Variants in TRDN observed in about 807,000 individuals in gnomAD.
TRDN encodes the protein triadin in skeletal muscle.
A neutral mutation model predicts 149.7 loss-of-function variants in TRDN; 161 were observed. The observed-to-expected ratio is 1.08, with a 90% CI of 0.95 to 1.23. TRDN has a LOEUF of 1.23. TRDN is among the 50% of genes most tolerant of loss of function. The probability of loss-of-function intolerance (pLI) is 0.00; values close to 1 mark genes in which losing one functional copy is unlikely to be tolerated. For missense variants in TRDN, 896 were observed against 823.5 expected, an observed-to-expected ratio of 1.09 and a Z score of -1.08; for synonymous variants, 294 against 250.5, an observed-to-expected ratio of 1.17 and a Z score of -1.64.
intron 12 of TRDN, 27 bp from the exon 13 acceptor site, chr6:123,393,704 C>T (rs1384579842): frequency 1.3e-6 from 2 of 1,584,708 alleles, no homozygotes; most frequent in Admixed American, 3.5e-5. Context: ...CATAAATTAC[C>T]ATGAAGTATG....
chr6:123,535,163 A>G (rs1412613054), intron 4 of TRDN, among the ~76,000 whole-genome samples: 1 of 152,138 alleles, frequency 6.6e-6, no homozygotes, highest in Non-Finnish European at 1.5e-5. Context: ...GAAGAAGGGA[A>G]AAAGACACGG....
At chr6:123,525,646 T>C (rs1418866646) in intron 5 of TRDN, among the ~76,000 whole-genome samples, 1 of 152,022 alleles carries the variant, frequency 6.6e-6, no homozygotes, top group Non-Finnish European at 1.5e-5. Flanking sequence ...CCCATCATTA[T>C]GAAACATACC....
chr6:123,393,528 G>T, intron 13 of TRDN, 96 bp downstream of exon 13: 1 of 1,029,868 alleles, frequency 9.7e-7, no homozygotes, highest in Non-Finnish European at 1.4e-6. Context: ...CCCAGCAGAT[G>T]GTGCTATTCT....
intron 1 of TRDN, among the ~76,000 whole-genome samples, chr6:123,574,697 T>C (rs1782743145): frequency 6.6e-6 from 1 of 151,684 alleles, no homozygotes; most frequent in African/African-American, 2.4e-5. Flanking sequence ...CTGTATTGAG[T>C]TGTATATTAG....
At chr6:123,220,324 T>C (rs2114495963) in intron 40 of TRDN, among the ~76,000 whole-genome samples, 1 of 151,998 alleles carries the variant, frequency 6.6e-6, no homozygotes, top group South Asian at 2.1e-4. Context: ...ATTGATACAA[T>C]TCACCTGTCT....
chr6:123,590,057 T>A (rs897764934), intron 1 of TRDN, among the ~76,000 whole-genome samples: 2 of 152,178 alleles, frequency 1.3e-5, no homozygotes, highest in African/African-American at 4.8e-5. Context: ...CAATTTTTAA[T>A]ATGTATGTGT....
intron 10 of TRDN, among the ~76,000 whole-genome samples, chr6:123,460,043 T>C (rs1776361216): frequency 6.6e-6 from 1 of 152,214 alleles, no homozygotes; most frequent in Non-Finnish European, 1.5e-5. Flanking sequence ...TACTCCCAAC[T>C]CTTAAGCTCA....
intron 38 of TRDN, among the ~76,000 whole-genome samples, chr6:123,248,556 C>A (rs907934566): frequency 6.6e-6 from 1 of 150,810 alleles, no homozygotes; most frequent in Non-Finnish European, 1.5e-5. Flanking sequence ...GACTCCATCT[C>A]AAAAAAAATA....
intron 21 of TRDN, among the ~76,000 whole-genome samples, chr6:123,345,450 T>C (rs1408795352): frequency 1.3e-5 from 2 of 152,052 alleles, no homozygotes; most frequent in African/African-American, 2.4e-5. Context: ...CATACTGTCC[T>C]GATTACTGTA....
At chr6:123,487,221 C>T (rs887672856) in intron 9 of TRDN, among the ~76,000 whole-genome samples, 1 of 151,988 alleles carries the variant, frequency 6.6e-6, no homozygotes, top group African/African-American at 2.4e-5. Context: ...ATAAACAGGT[C>T]AAGTTCTAGC....
intron 23 of TRDN, among the ~76,000 whole-genome samples, chr6:123,327,292 T>C (rs1441928197): frequency 6.6e-6 from 1 of 152,100 alleles, no homozygotes. Flanking sequence ...AAAAAATAAC[T>C]ATATTTGGTC....
intron 24 of TRDN, among the ~76,000 whole-genome samples, chr6:123,294,425 G>A (rs1271466359): frequency 1.3e-5 from 2 of 152,070 alleles, no homozygotes; most frequent in Admixed American, 1.3e-4. Flanking sequence ...CAACCTTTTT[G>A]ACACCAGGGA....
rs539133493 is a variant in TRDN, at chr6:123,254,015, T to C, written c.1951+1066A>G. ...TCTTGTCTGTACCATATAAATACTC[T>C]TGAGATGTTAGATTTTCTCTTATTG... On this transcript the variant is annotated intron_variant, in intron 37 of 40. Coordinates refer to ENST00000334268, the MANE Select transcript of TRDN (RefSeq NM_006073.4). 2.6e-5 allele frequency among the ~76,000 whole-genome samples: 4 copies of C among 152,246 alleles called. No individual in the cohort carries two copies. The East Asian group carries it at 5.8e-4, about 22-fold the overall frequency.
At chr6:123,296,028 A>C (rs1354362326) in intron 24 of TRDN, among the ~76,000 whole-genome samples, 1 of 152,146 alleles carries the variant, frequency 6.6e-6, no homozygotes, top group Non-Finnish European at 1.5e-5. Context: ...TATTAATTTA[A>C]ATCTCAAGAG....
intron 5 of TRDN, among the ~76,000 whole-genome samples, chr6:123,526,158 G>A (rs559767735): frequency 3.3e-5 from 5 of 152,010 alleles, no homozygotes; most frequent in South Asian, 4.2e-4. Context: ...AGTAGAAAGG[G>A]GATTTAAAGA....
intron 9 of TRDN, among the ~76,000 whole-genome samples, chr6:123,491,604 G>C (rs555192864): frequency 5.1e-4 from 78 of 152,168 alleles, no homozygotes; most frequent in Middle Eastern, 6.8e-3. Context: ...CTGGTATACT[G>C]AGATTAGAAT....
intron 26 of TRDN, among the ~76,000 whole-genome samples, chr6:123,277,205 T>A (rs988718223): frequency 6.6e-6 from 1 of 152,166 alleles, no homozygotes; most frequent in Non-Finnish European, 1.5e-5. Flanking sequence ...AAGTTTTATA[T>A]GTAACTGATT....
At chr6:123,287,895 A>C (rs1777857307) in intron 24 of TRDN, among the ~76,000 whole-genome samples, 1 of 151,992 alleles carries the variant, frequency 6.6e-6, no homozygotes, top group Non-Finnish European at 1.5e-5. Flanking sequence ...AGACACACAC[A>C]CCCATATATG....
At chr6:123,614,300 C>CAAAAAAAAAAA (rs1199509406) in intron 1 of TRDN, among the ~76,000 whole-genome samples, 99 of 99,760 alleles carry the variant, frequency 9.9e-4, no homozygotes, top group African/African-American at 2.2e-3. Context: ...AAAAAAAAAA[C>CAAAAAAAAAAA]AAAAAAAAAA....
Sources: gnomAD v4.1 joint callset for allele counts (sites outside exome capture counted in the v4.1 genomes callset) on GRCh38, gnomAD v4.1.1 for gene constraint, MANE v1.5 for transcripts, NCBI Gene and HGNC (gene_info 2026-07-23, HGNC 2026-07-21) for gene names.